Variants in PPP4R3B observed in about 807,000 individuals in gnomAD.
PPP4R3B encodes the protein serine/threonine-protein phosphatase 4 regulatory subunit 3B.
A neutral mutation model predicts 95.4 loss-of-function variants in PPP4R3B; 52 were observed. The observed-to-expected ratio is 0.54, with a 90% CI of 0.44 to 0.69. The LOEUF is 0.69. PPP4R3B is among the 30% of genes least tolerant of loss of function. The pLI is 0.00. For synonymous variants in PPP4R3B, 407 were observed against 343.9 expected, an observed-to-expected ratio of 1.18 and a Z score of -2.03; for missense variants, 1,003 against 1,005.9, an observed-to-expected ratio of 1.00 and a Z score of 0.04.
chr2:55,614,516 T>G (rs1694634556), intron 2 of PPP4R3B: 1 of 152,152 alleles, frequency 6.6e-6, no homozygotes, highest in East Asian at 1.9e-4. Flanking sequence ...ACATCCACTG[T>G]GTAAAGTTTA....
intron 15 of PPP4R3B, 130 bp downstream of exon 15, chr2:55,564,183 A>G: frequency 1.5e-6 from 1 of 655,130 alleles, no homozygotes; most frequent in Non-Finnish European, 2.4e-6. Flanking sequence ...TAATTTTAAA[A>G]GAACACAGTT....
In PPP4R3B at chr2:55,586,644, T is replaced by C. The variant is rs1690191332; in HGVS notation, c.1090A>G (p.Ile364Val). The C allele has an allele frequency of 1.2e-6, 2 of 1,606,280 alleles. No homozygotes were observed. Among genetic ancestry groups the C allele is most frequent in the South Asian group, 1.1e-5 (1 of 89,376 alleles). ...ATTACAATTTCAAGAGCAGGAAGAA[T>C]TCCCAATTTTGCCAATGTTTTGAAA... ...AFFKTLAKLG[I>V]LPALEIVMGM... is the part of the protein sequence containing the mutation. Residue 364 changes from isoleucine to valine, a missense_variant, in exon 6 of 17, where the codon ATT (isoleucine) becomes GTT (valine). Physicochemically the swap from Ile to Val is conservative, Grantham distance 29. Transcript: ENST00000616407.
intron 4 of PPP4R3B, among the ~76,000 whole-genome samples, chr2:55,595,750 A>C (rs557927900): frequency 1.1e-4 from 17 of 151,894 alleles, no homozygotes; most frequent in East Asian, 3.9e-4. Context: ...AAAAAAAAAA[A>C]AAAACACAGC....
intron 11 of PPP4R3B, among the ~76,000 whole-genome samples, chr2:55,574,970 C>T (rs1433214369): frequency 3.6e-5 from 5 of 137,844 alleles, no homozygotes; most frequent in Non-Finnish European, 7.6e-5. Flanking sequence ...CGGAGTCTCA[C>T]TCTGTAGCCC....
intron 15 of PPP4R3B, among the ~76,000 whole-genome samples, chr2:55,560,935 T>C (rs370258221): frequency 3.3e-5 from 5 of 152,150 alleles, no homozygotes; most frequent in Admixed American, 6.5e-5. Flanking sequence ...AGCCTGACCA[T>C]GCAGTAGAAA....
At chr2:55,570,810 C>T (rs1018272407) in intron 12 of PPP4R3B, among the ~76,000 whole-genome samples, 6 of 152,104 alleles carry the variant, frequency 3.9e-5, no homozygotes, top group Admixed American at 1.3e-4. Flanking sequence ...TATGGGGAGA[C>T]GTGTTAGACT....
intron 2 of PPP4R3B, chr2:55,615,213 A>T: frequency 2.3e-6 from 1 of 435,980 alleles, no homozygotes; most frequent in Non-Finnish European, 4.1e-6. Context: ...ACAGTTAAAT[A>T]ATACTAATAA....
At chr2:55,582,046 G>A (rs1002995012) in intron 7 of PPP4R3B, among the ~76,000 whole-genome samples, 1 of 152,084 alleles carries the variant, frequency 6.6e-6, no homozygotes, top group Non-Finnish European at 1.5e-5. Flanking sequence ...TTCAGACTCA[G>A]GCGTAAATTT....
intron 4 of PPP4R3B, among the ~76,000 whole-genome samples, chr2:55,597,027 G>A (rs1291644997): frequency 2.0e-5 from 3 of 152,156 alleles, no homozygotes; most frequent in Admixed American, 2.0e-4. Context: ...TTCATAAAGA[G>A]TAGAATAGTG....
chr2:55,611,716 C>A (rs988784233), intron 2 of PPP4R3B, among the ~76,000 whole-genome samples: 4 of 152,074 alleles, frequency 2.6e-5, no homozygotes, highest in Non-Finnish European at 5.9e-5. Context: ...GTTAAACATT[C>A]CCCTCTGAAT....
At chr2:55,553,284 C>G (rs1044284002) in intron 16 of PPP4R3B, among the ~76,000 whole-genome samples, 9 of 152,128 alleles carry the variant, frequency 5.9e-5, no homozygotes, top group Non-Finnish European at 1.2e-4. Context: ...TGTAGGCACT[C>G]AGAACACTAA....
Position 55,575,782 on chromosome 2 carries a change from C to A in PPP4R3B, c.1606+1533G>T, listed in dbSNP as rs554704223. On this transcript the variant is annotated intron_variant, in intron 11 of 16. Transcript: ENST00000616407. ...TGTAAGGAAATTATAAAATCACAGG[C>A]TTACGGAATTTTTAAAAAAATGACA... Among the ~76,000 whole-genome samples the A allele has an allele frequency of 2.0e-5, 3 of 152,150 alleles. No individual in the cohort carries two copies. The South Asian group carries it at 6.2e-4, about 32-fold the overall frequency.
In PPP4R3B at chr2:55,617,582, A is replaced by G. The variant is rs1265297929; in HGVS notation, c.-297T>C. On this transcript the variant is annotated 5_prime_UTR_variant, in exon 1 of 17. Transcript: ENST00000616407. The stretch of plus-strand genomic sequence containing the variant: ...CCCGCCGCCGCGGTAACTACTACAG[A>G]TCCGCCATCTTGTAACCCGACTCTC... 6.6e-6 allele frequency: 2 copies of G among 301,242 alleles called. No individual in the cohort carries two copies. The highest frequency in any genetic ancestry group is 6.2e-6 in the Non-Finnish European group (1 of 160,844). The allele number at this position is 301,242 out of a possible 1,614,324, so 18.7% of individuals were successfully genotyped here.
Position 55,598,498 on chromosome 2 carries a change from G to T in PPP4R3B, c.839C>A (p.Pro280Gln), listed in dbSNP as rs1284338780. 1 of 1,614,094 alleles carries T rather than the reference G, an allele frequency of 6.2e-7. No individual in the cohort carries two copies. The highest frequency in any genetic ancestry group is 2.2e-5 in the East Asian group (1 of 44,862). Residue 280 changes from proline (P) to glutamine (Q), a missense_variant, in exon 4 of 17, where the codon CCA (proline) becomes CAA (glutamine). Pro to Gln is a moderately conservative substitution (Grantham distance 76, BLOSUM62 -1). Transcript: ENST00000616407. ...QYIQDIILPT[P>Q]SVFEENFLST... ...AAGAAAATTCTCTTCAAAAACAGAT[G>T]GTGTGGGCAAAATGATGTCCTGAAT...
At chr2:55,581,780 C>A (rs2104244468) in intron 7 of PPP4R3B, 82 bp from the exon 8 acceptor site, 1 of 1,437,512 alleles carries the variant, frequency 7.0e-7, no homozygotes, top group Admixed American at 2.2e-5. Context: ...ACTGAAAGAG[C>A]AAAGTGAGAA....
At chr2:55,578,396 G>C in intron 9 of PPP4R3B, 54 bp from the exon 10 acceptor site, 2 of 1,254,670 alleles carry the variant, frequency 1.6e-6, no homozygotes, top group Non-Finnish European at 1.0e-6. Flanking sequence ...GAGTATATGA[G>C]TGTCTGTTAT....
intron 8 of PPP4R3B, among the ~76,000 whole-genome samples, chr2:55,581,304 A>C (rs1689413276): frequency 6.6e-6 from 1 of 152,230 alleles, no homozygotes; most frequent in Admixed American, 6.5e-5. Context: ...AGTAGTGTTA[A>C]GTATAATCAC....
rs1336315317 is a variant in PPP4R3B at position 55,558,932 on chromosome 2, C to G, written c.2297G>C (p.Arg766Thr). 3 of 1,611,326 alleles carry G rather than the reference C, an allele frequency of 1.9e-6. No homozygotes were observed. Among genetic ancestry groups the G allele is most frequent in the African/African-American group, 1.3e-5 (1 of 74,792 alleles). ...AAATTTGAAGCCACCAGGAGATGTC[C>G]TTTTGGGAAGGTTTTCCTTGTCTTC... Reference protein sequence around the residue: ...ESEDKENLPKRTSPGGFKFTF... With the variant: ...ESEDKENLPKTTSPGGFKFTF... The change falls in exon 16 of 17, where the codon AGG becomes ACG. Residue 766 changes from arginine to threonine, a missense_variant. Arg to Thr is a moderately conservative substitution (Grantham distance 71). This residue lies in a region of PPP4R3B where 229 missense variants were observed against 194.7 expected (regional missense o/e 1.18). Transcript: ENST00000616407.
chr2:55,575,635 A>T (rs1163403360), intron 11 of PPP4R3B, among the ~76,000 whole-genome samples: 1 of 151,850 alleles, frequency 6.6e-6, no homozygotes, highest in Admixed American at 6.6e-5. Flanking sequence ...ACGAGGTCTC[A>T]CTATGTTGCC....
Sources: gnomAD v4.1 joint callset for allele counts (sites outside exome capture counted in the v4.1 genomes callset) on GRCh38, gnomAD v4.1.1 for gene constraint, gnomAD v4.1.1 regional missense constraint, MANE v1.5 for transcripts, NCBI Gene and HGNC (gene_info 2026-07-23, HGNC 2026-07-21) for gene names.